EDEM3: variants seen among roughly 807,000 people sequenced by gnomAD.
EDEM3 encodes ER degradation-enhancing alpha-mannosidase-like protein 3.
Under a neutral mutation model 110.2 loss-of-function variants are expected in EDEM3, and 60 were observed. The ratio of observed to expected loss-of-function variants is 0.54; its 90% CI spans 0.44 to 0.67. The LOEUF (loss-of-function observed/expected upper bound fraction) is 0.67. Ranked by LOEUF, EDEM3 falls within the 30% of genes least tolerant of loss-of-function variation. The probability of loss-of-function intolerance (pLI) is 0.00; values close to 1 mark genes in which losing one functional copy is unlikely to be tolerated. For missense variants in EDEM3, 996 were observed against 1,121.0 expected (o/e 0.89, Z 1.59); for synonymous variants, 352 against 382.9 (o/e 0.92, Z 0.94).
chr1:184,754,741 A>ACGGGG lies in EDEM3; in HGVS notation c.-100_-96dup. 1 of 1,418,732 alleles carries ACGGGG rather than the reference A, an allele frequency of 7.0e-7. No homozygotes were observed. The highest frequency in any genetic ancestry group is 9.1e-7 in the Non-Finnish European group (1 of 1,093,380). 87.9% of individuals were successfully genotyped at this position (1,418,732 alleles called of 1,614,324 possible). A position where few individuals can be genotyped will look rare whatever the true frequency, so the allele number is the denominator to read the frequency against. ...CCAGGGGGCTGCTAGCCGTGCCGAG[A>ACGGGG]CGGGGCGGGATGCGGAGTAACACGG... On this transcript the variant is annotated 5_prime_UTR_variant, in exon 1 of 20. Coordinates refer to ENST00000318130, the MANE Select transcript of EDEM3 (RefSeq NM_025191.4).
At position 184,721,386 on chromosome 1, in the gene EDEM3, T is replaced by A; in HGVS notation, c.854A>T (p.Asp285Val). The stretch of plus-strand genomic sequence containing the variant: ...ATCAATCCCTGCTCCAACTCCACTA[T>A]CTATGGAAACACAAATGTGATTTTT... ...NIHTGDWVRKDSGVGAGIDSY... is the reference protein window; with the variant it reads ...NIHTGDWVRKVSGVGAGIDSY... The change falls in exon 9 of 20, where the codon GAT (aspartate) becomes GTT (valine). Residue 285 changes from aspartate (D) to valine (V), a missense_variant and splice_region_variant. Physicochemically the swap from Asp to Val is radical, Grantham distance 152. Around this residue, in one of 5 missense-constraint regions of EDEM3, gnomAD observed 310 missense variants for 394.6 expected, o/e 0.79. Transcript: ENST00000318130. 1.3e-6 allele frequency: 2 copies of A among 1,576,672 alleles called. No individual in the cohort carries two copies. Among genetic ancestry groups the A allele is most frequent in the East Asian group, 2.3e-5 (1 of 44,028 alleles).
intron 6 of EDEM3, among the ~76,000 whole-genome samples, chr1:184,728,420 A>C (rs1651308633): frequency 6.6e-6 from 1 of 152,214 alleles, no homozygotes; most frequent in African/African-American, 2.4e-5. Flanking sequence ...TTTTCCCTTA[A>C]AATGGAAATA....
rs774182309 is a variant in EDEM3, at chr1:184,719,549, C to T, written c.971G>A (p.Arg324Lys). The T allele has an allele frequency of 1.2e-5, 20 of 1,613,678 alleles. No homozygotes were observed. The highest frequency in any genetic ancestry group is 9.9e-5 in the South Asian group (9 of 91,022). ...TAGAAGAGGTGGCTGGCTAATATAC[C>T]TCATTATGGCATCATAGTGCTAAAA... ...RFNTHYDAIMRYISQPPLLLD... is the reference protein window; with the variant it reads ...RFNTHYDAIMKYISQPPLLLD... Residue 324 changes from arginine to lysine, a missense_variant, in exon 10 of 20, where the codon AGG (arginine) becomes AAG (lysine). Arg to Lys is a conservative substitution (Grantham distance 26, BLOSUM62 2). Transcript: ENST00000318130.
intron 11 of EDEM3, among the ~76,000 whole-genome samples, 190 bp downstream of exon 11, chr1:184,718,972 A>G (rs1422712279): frequency 1.3e-5 from 2 of 152,142 alleles, no homozygotes; most frequent in African/African-American, 4.8e-5. Flanking sequence ...ACACAAAGAA[A>G]AGCAAAAACA....
At chr1:184,697,765 G>A (rs1342108782) in intron 19 of EDEM3, among the ~76,000 whole-genome samples, 6 of 151,740 alleles carry the variant, frequency 4.0e-5, no homozygotes, top group Non-Finnish European at 8.9e-5. Context: ...AAAACAGGAT[G>A]GAGTGATCTT....
chr1:184,747,873 C>G (rs1158267330), intron 2 of EDEM3, among the ~76,000 whole-genome samples: 3 of 152,138 alleles, frequency 2.0e-5, no homozygotes, highest in African/African-American at 7.2e-5. Context: ...CTAAAAAGAA[C>G]AAGATATTAA....
intron 7 of EDEM3, among the ~76,000 whole-genome samples, chr1:184,724,152 G>T (rs1651064612): frequency 6.6e-6 from 1 of 151,642 alleles, no homozygotes; most frequent in South Asian, 2.1e-4. Flanking sequence ...ATCTACTCTT[G>T]TAGCACAAGT....
intron 2 of EDEM3, among the ~76,000 whole-genome samples, chr1:184,744,249 AATATATATATATATATATAT>A (rs55959890): frequency 8.4e-4 from 74 of 87,622 alleles, no homozygotes; most frequent in South Asian, 2.4e-3. Flanking sequence ...ACAAATGACA[AATATATATATATATATATAT>A]ATATATATAT....
chr1:184,754,389 G>T, intron 1 of EDEM3, 100 bp downstream of exon 1: 1 of 1,539,022 alleles, frequency 6.5e-7, no homozygotes, highest in Non-Finnish European at 8.8e-7. Flanking sequence ...CGTTCCAATC[G>T]CGACAGGAGA....
In EDEM3 at chr1:184,737,726, T is replaced by TTTA. The variant is rs1651913802; in HGVS notation, c.205-16_205-15insTAA. The TTTA allele has an allele frequency of 6.2e-7, 1 of 1,609,400 alleles. No individual in the cohort carries two copies. Among genetic ancestry groups the TTTA allele is most frequent in the Non-Finnish European group, 8.5e-7 (1 of 1,176,354 alleles). ...TAAGCATGTTCCTGCAAGGAAAACTTTAGTAAGTTACTAAGGAAAATAAGC... is the reference window on the plus strand; with the variant it reads ...TAAGCATGTTCCTGCAAGGAAAACTTTTATAGTAAGTTACTAAGGAAAATAAGC... On this transcript the variant is annotated splice_polypyrimidine_tract_variant and intron_variant, in intron 2 of 19. Coordinates refer to ENST00000318130, the MANE Select transcript of EDEM3 (RefSeq NM_025191.4).
intron 13 of EDEM3, among the ~76,000 whole-genome samples, chr1:184,716,601 C>A (rs1357437945): frequency 6.6e-6 from 1 of 152,112 alleles, no homozygotes; most frequent in African/African-American, 2.4e-5. Context: ...AAAAAAGCCA[C>A]ATTTTAGATA....
chr1:184,751,124 A>C (rs1469173070), intron 1 of EDEM3, among the ~76,000 whole-genome samples: 1 of 77,028 alleles, frequency 1.3e-5, no homozygotes, highest in African/African-American at 2.8e-5. Flanking sequence ...CCTTACCACC[A>C]CTTTGCTAAA....
At chr1:184,734,832 G>A (rs1446154843) in intron 4 of EDEM3, among the ~76,000 whole-genome samples, 189 bp from the exon 5 acceptor site, 2 of 152,114 alleles carry the variant, frequency 1.3e-5, no homozygotes, top group Non-Finnish European at 2.9e-5. Context: ...TAATTATACA[G>A]CATCTTTATA....
rs984776291 is a variant in EDEM3, at chr1:184,706,911, T to G, written c.2038-103A>C. ...TTTTAAAAGAACTAGAACTCATTTC[T>G]TTTCTAATGATAACGTATCTAACAT... On this transcript the variant is annotated intron_variant, in intron 17 of 19. Transcript: ENST00000318130. The G allele has an allele frequency of 8.5e-5, 102 of 1,202,504 alleles. No homozygotes were observed. In the South Asian group the frequency reaches 1.6e-3, roughly 18 times the overall value. The allele number at this position is 1,202,504 out of a possible 1,614,324, so 74.5% of individuals were successfully genotyped here.
intron 6 of EDEM3, among the ~76,000 whole-genome samples, chr1:184,731,147 A>G (rs1356453773): frequency 6.6e-6 from 1 of 152,242 alleles, no homozygotes. Context: ...AAAAGAAAAA[A>G]ACTGACAGAG....
At chr1:184,745,554 T>C (rs563592129) in intron 2 of EDEM3, among the ~76,000 whole-genome samples, 137 of 152,282 alleles carry the variant, frequency 9.0e-4, no homozygotes, top group Non-Finnish European at 6.5e-4. Flanking sequence ...GTAAATTTCA[T>C]ATTATGTATA....
rs762765199 is a variant in EDEM3 at position 184,706,735 on chromosome 1, C to A, written c.2111G>T (p.Gly704Val). The A allele has an allele frequency of 6.2e-7, 1 of 1,613,946 alleles. No homozygotes were observed. The highest frequency in any genetic ancestry group is 8.5e-7 in the Non-Finnish European group (1 of 1,179,920). Residue 704 changes from glycine to valine, a missense_variant, in exon 18 of 20, where the codon GGA becomes GTA. By Grantham distance (109) the Gly-to-Val change is moderately radical. Coordinates refer to ENST00000318130, the MANE Select transcript of EDEM3 (RefSeq NM_025191.4). Reference protein sequence around the residue: ...SELTNPEAVMGKIALIQRGQC... With the variant: ...SELTNPEAVMVKIALIQRGQC... ...TCCTCTTTGTATCAGTGCGATTTTT[C>A]CCATCACTGCCTCTGGGTTAGTAAG... is the stretch of plus-strand genomic sequence containing the variant.
chr1:184,735,665 G>C (rs1377009052), intron 4 of EDEM3, among the ~76,000 whole-genome samples: 1 of 152,130 alleles, frequency 6.6e-6, no homozygotes, highest in Non-Finnish European at 1.5e-5. Context: ...TTTAGGGTAA[G>C]TCCTGACTAA....
At chr1:184,736,956 A>G in intron 4 of EDEM3, 69 bp downstream of exon 4, 2 of 1,253,676 alleles carry the variant, frequency 1.6e-6, no homozygotes, top group Non-Finnish European at 2.3e-6. Flanking sequence ...TTACTGTGTT[A>G]TGATCATATT....
Sources: gnomAD v4.1 joint callset for allele counts (sites outside exome capture counted in the v4.1 genomes callset) on GRCh38, gnomAD v4.1.1 for gene constraint, gnomAD v4.1.1 regional missense constraint, MANE v1.5 for transcripts, NCBI Gene and HGNC (gene_info 2026-07-23, HGNC 2026-07-21) for gene names.